GALNT7: variants seen among roughly 807,000 people sequenced by gnomAD.
GALNT7 encodes the protein polypeptide N-acetylgalactosaminyltransferase 7.
GALNT7 carries 60 observed loss-of-function variants against 82.1 expected under a neutral mutation model. The ratio of observed to expected loss-of-function variants is 0.73; its 90% CI spans 0.59 to 0.91. The LOEUF (loss-of-function observed/expected upper bound fraction) is 0.91, where lower values mean the gene tolerates loss of function less well. GALNT7 is among the 40% of genes least tolerant of loss of function. GALNT7 has a pLI of 0.00. For synonymous variants in GALNT7, 243 were observed against 275.1 expected (o/e 0.88, Z 1.15); for missense variants, 660 against 804.2 (o/e 0.82, Z 2.17).
intron 1 of GALNT7, among the ~76,000 whole-genome samples, chr4:173,245,907 G>A (rs924659070): frequency 6.6e-6 from 1 of 152,134 alleles, no homozygotes; most frequent in Non-Finnish European, 1.5e-5. Flanking sequence ...TGGCTCACAG[G>A]TTAGGCTCAA....
chr4:173,188,592 A>G (rs1249809496), intron 1 of GALNT7, among the ~76,000 whole-genome samples: 1 of 152,232 alleles, frequency 6.6e-6, no homozygotes, highest in East Asian at 1.9e-4. Context: ...AAAGAACTTT[A>G]GTGTCCTGAG....
intron 1 of GALNT7, among the ~76,000 whole-genome samples, chr4:173,200,902 TAGAG>T (rs1272248230): frequency 2.0e-5 from 3 of 152,274 alleles, no homozygotes; most frequent in Non-Finnish European, 4.4e-5. Context: ...AAGTTTAAAA[TAGAG>T]AGATTTATCA....
At chr4:173,232,869 G>A (rs1734075596) in intron 1 of GALNT7, among the ~76,000 whole-genome samples, 1 of 152,070 alleles carries the variant, frequency 6.6e-6, no homozygotes, top group Non-Finnish European at 1.5e-5. Flanking sequence ...GTGTATGTTT[G>A]TACCCATTAA....
In GALNT7 at chr4:173,291,133, G is replaced by A. The variant is rs570265121; in HGVS notation, c.588-975G>A. The stretch of plus-strand genomic sequence containing the variant: ...CGTATTTTCACCAATTCTGGTGTCC[G>A]TTGTAAATCAAAATTGCTGTCTTTC... On this transcript the variant is annotated intron_variant, in intron 2 of 11. Coordinates refer to ENST00000265000, the MANE Select transcript of GALNT7 (RefSeq NM_017423.3). 3.3e-5 allele frequency among the ~76,000 whole-genome samples: 5 copies of A among 152,234 alleles called. No individual in the cohort carries two copies. In the East Asian group the frequency reaches 5.8e-4, roughly 18 times the overall value.
At chr4:173,189,375 A>C (rs547456934) in intron 1 of GALNT7, among the ~76,000 whole-genome samples, 2 of 152,280 alleles carry the variant, frequency 1.3e-5, no homozygotes, top group South Asian at 4.1e-4. Flanking sequence ...TGGTTCCTTG[A>C]CTCCAGTTAT....
chr4:173,180,910 G>A (rs1356119927), intron 1 of GALNT7, among the ~76,000 whole-genome samples: 4 of 152,180 alleles, frequency 2.6e-5, no homozygotes, highest in Non-Finnish European at 4.4e-5. Flanking sequence ...AGCAAGGTGT[G>A]CTGTGCCTTT....
At chr4:173,289,655 C>A (rs1467040752) in intron 2 of GALNT7, among the ~76,000 whole-genome samples, 1 of 152,166 alleles carries the variant, frequency 6.6e-6, no homozygotes, top group Non-Finnish European at 1.5e-5. Context: ...GGTAAGCCCC[C>A]ATCCTCTCTG....
chr4:173,221,775 A>T (rs969062719), intron 1 of GALNT7, among the ~76,000 whole-genome samples: 3 of 152,336 alleles, frequency 2.0e-5, no homozygotes, highest in African/African-American at 7.2e-5. Flanking sequence ...ATTTTGGTTA[A>T]GTTTTGCTGT....
At chr4:173,173,037 G>T (rs1731926363) in intron 1 of GALNT7, among the ~76,000 whole-genome samples, 1 of 152,150 alleles carries the variant, frequency 6.6e-6, no homozygotes, top group African/African-American at 2.4e-5. Context: ...CATAATCCTT[G>T]CTTAGATTGG....
intron 1 of GALNT7, among the ~76,000 whole-genome samples, chr4:173,243,836 C>T (rs1019559095): frequency 1.3e-5 from 2 of 152,136 alleles, no homozygotes; most frequent in African/African-American, 4.8e-5. Flanking sequence ...ACGGGTCTAT[C>T]TGATTTAAGC....
At chr4:173,275,120 G>A (rs1735854342) in intron 2 of GALNT7, among the ~76,000 whole-genome samples, 1 of 152,150 alleles carries the variant, frequency 6.6e-6, no homozygotes, top group Admixed American at 6.5e-5. Context: ...TCATTTTTGG[G>A]GGCTCATTAG....
chr4:173,260,503 T>TA (rs200224792), intron 2 of GALNT7, among the ~76,000 whole-genome samples: 1,529 of 152,306 alleles, frequency 0.01, 25 homozygotes, highest in African/African-American at 0.035. Flanking sequence ...TTATTTTATG[T>TA]ATAGGAAAAG....
chr4:173,193,490 A>AT (rs999001492), intron 1 of GALNT7, among the ~76,000 whole-genome samples: 2 of 151,812 alleles, frequency 1.3e-5, no homozygotes, highest in African/African-American at 2.4e-5. Context: ...CCCCAACTTT[A>AT]TTTTTTTTAA....
chr4:173,173,427 A>T (rs1731941236), intron 1 of GALNT7, among the ~76,000 whole-genome samples: 1 of 152,178 alleles, frequency 6.6e-6, no homozygotes. Flanking sequence ...GCCTCTGAAA[A>T]TAAAGGTTTT....
intron 1 of GALNT7, among the ~76,000 whole-genome samples, chr4:173,247,347 T>C (rs1734680006): frequency 6.6e-6 from 1 of 150,444 alleles, no homozygotes; most frequent in South Asian, 2.1e-4. Flanking sequence ...TGGGGCAAAC[T>C]AGATATGGGG....
chr4:173,302,062 TG>T lies in GALNT7; in HGVS notation c.1169del (p.Gly390AspfsTer73). 1.9e-6 allele frequency: 3 copies of T among 1,558,586 alleles called. No homozygotes were observed. Among genetic ancestry groups the T allele is most frequent in the Non-Finnish European group, 2.7e-6 (3 of 1,129,496 alleles). On this transcript the variant is annotated frameshift_variant, in exon 7 of 12. Transcript: ENST00000265000. LOFTEE classifies it high-confidence loss of function. The surrounding 1 kb of genome is among the most constrained non-coding windows in gnomAD (Gnocchi z 4.2). ...TEPYRSPAMA[G>X]GLFAIEREFF... ...TTTTTCTTAGGTCCCCAGCCATGGC[TG>T]GGGGATTATTTGCCATTGAACGAGA...
intron 8 of GALNT7, among the ~76,000 whole-genome samples, chr4:173,313,557 C>T (rs1737467577): frequency 7.5e-6 from 1 of 133,772 alleles, no homozygotes; most frequent in Non-Finnish European, 1.6e-5. Flanking sequence ...AATGACAGAG[C>T]AAGACCCCAT....
chr4:173,175,572 A>T (rs146667479), intron 1 of GALNT7, among the ~76,000 whole-genome samples: 36 of 152,356 alleles, frequency 2.4e-4, no homozygotes, highest in African/African-American at 8.4e-4. Flanking sequence ...ATTTCAGATA[A>T]ACACTGAAGA....
At chr4:173,244,259 CCTCT>C (rs2126731650) in intron 1 of GALNT7, among the ~76,000 whole-genome samples, 1 of 152,278 alleles carries the variant, frequency 6.6e-6, no homozygotes, top group East Asian at 1.9e-4. Context: ...TTTGCTGACC[CCTCT>C]CTCATGGATA....
Sources: allele counts gnomAD v4.1 joint callset (sites outside exome capture counted in the v4.1 genomes callset), GRCh38; gene constraint gnomAD v4.1.1; non-coding constraint Gnocchi (gnomAD v3.1); transcripts MANE v1.5; gene names NCBI Gene and HGNC (gene_info 2026-07-23, HGNC 2026-07-21).